GPM6A: variants seen among roughly 807,000 people sequenced by gnomAD.
GPM6A encodes the protein glycoprotein M6A, also known as neuronal membrane glycoprotein M6-a.
GPM6A carries 7 observed loss-of-function variants against 32.1 expected under a neutral mutation model. The observed-to-expected ratio is 0.22, with a 90% CI of 0.12 to 0.41. The LOEUF (loss-of-function observed/expected upper bound fraction) is 0.41. Among genes scored for constraint, GPM6A ranks in the 10% least tolerant of loss-of-function variants. The pLI, the probability that GPM6A is intolerant of heterozygous loss-of-function variation, is 1.00. For missense variants in GPM6A, 235 were observed against 347.2 expected, an observed-to-expected ratio of 0.68 and a Z score of 2.57; for synonymous variants, 130 against 123.4, an observed-to-expected ratio of 1.05 and a Z score of -0.35.
chr4:175,776,979 C>A (rs1279840543), intron 1 of GPM6A, among the ~76,000 whole-genome samples: 1 of 152,076 alleles, frequency 6.6e-6, no homozygotes, highest in Non-Finnish European at 1.5e-5. Flanking sequence ...AGCAAAGAAA[C>A]AAACATTTTA....
chr4:175,812,304 T>TTTTG, upstream of GPM6A: 3 of 980,788 alleles, frequency 3.1e-6, no homozygotes, highest in Non-Finnish European at 2.5e-6. Flanking sequence ...ACTGGGGGTT[T>TTTTG]TTTTTTTTTT....
intron 1 of GPM6A, among the ~76,000 whole-genome samples, chr4:175,950,101 G>T (rs570358924): frequency 3.9e-5 from 6 of 152,072 alleles, no homozygotes; most frequent in African/African-American, 1.4e-4. Flanking sequence ...AATTCATTTT[G>T]CAATGAATAT....
At chr4:175,882,230 T>A (rs1468987184) in intron 1 of GPM6A, among the ~76,000 whole-genome samples, 1 of 151,994 alleles carries the variant, frequency 6.6e-6, no homozygotes, top group Non-Finnish European at 1.5e-5. Context: ...CAATTACTAT[T>A]TTTAGTCACA....
At chr4:175,701,117 T>C (rs1405613157) in intron 2 of GPM6A, among the ~76,000 whole-genome samples, 1 of 152,222 alleles carries the variant, frequency 6.6e-6, no homozygotes, top group Non-Finnish European at 1.5e-5. Flanking sequence ...TTACATCATT[T>C]CTGTAAATGT....
At chr4:175,951,271 C>T (rs1290030160) in intron 1 of GPM6A, among the ~76,000 whole-genome samples, 6 of 152,132 alleles carry the variant, frequency 3.9e-5, no homozygotes, top group Admixed American at 3.9e-4. Context: ...TGTGAAAATA[C>T]TACTTTTAGT....
At chr4:175,928,218 G>A (rs1035593976) in intron 1 of GPM6A, among the ~76,000 whole-genome samples, 1 of 152,110 alleles carries the variant, frequency 6.6e-6, no homozygotes, top group African/African-American at 2.4e-5. Flanking sequence ...TTGCAAAAAT[G>A]TTTACAGAAT....
chr4:175,653,334 C>G (rs1309312219), intron 3 of GPM6A, among the ~76,000 whole-genome samples: 1 of 152,084 alleles, frequency 6.6e-6, no homozygotes, highest in Non-Finnish European at 1.5e-5. Flanking sequence ...CCCAGTACTT[C>G]AGAACCCCAG....
intron 1 of GPM6A, among the ~76,000 whole-genome samples, chr4:175,888,268 G>A (rs1293899013): frequency 6.6e-6 from 1 of 151,970 alleles, no homozygotes; most frequent in Non-Finnish European, 1.5e-5. Context: ...ACGCTTTTAT[G>A]AAGAATAAAG....
At chr4:175,728,246 C>A (rs1274512127) in intron 1 of GPM6A, among the ~76,000 whole-genome samples, 1 of 151,826 alleles carries the variant, frequency 6.6e-6, no homozygotes. Context: ...CTGAAAGAAT[C>A]AAAGAGAAAC....
intron 1 of GPM6A, among the ~76,000 whole-genome samples, chr4:175,869,717 A>G (rs1424140879): frequency 3.3e-5 from 5 of 152,244 alleles, no homozygotes; most frequent in African/African-American, 1.2e-4. Context: ...AGATCATGCC[A>G]CTGCACTCCA....
At chr4:175,901,987 C>T (rs933988626) in intron 1 of GPM6A, among the ~76,000 whole-genome samples, 1 of 152,090 alleles carries the variant, frequency 6.6e-6, no homozygotes, top group Non-Finnish European at 1.5e-5. Flanking sequence ...AATAACTCCA[C>T]TTTTAGATTT....
At chr4:175,942,898 T>C (rs1345849802) in intron 1 of GPM6A, among the ~76,000 whole-genome samples, 1 of 152,168 alleles carries the variant, frequency 6.6e-6, no homozygotes, top group Non-Finnish European at 1.5e-5. Context: ...AAAGTAGTTT[T>C]TTTTTCTAAT....
intron 1 of GPM6A, among the ~76,000 whole-genome samples, chr4:175,738,853 C>A (rs769216797): frequency 1.3e-5 from 2 of 152,142 alleles, no homozygotes; most frequent in Non-Finnish European, 2.9e-5. Context: ...ACCCTCCCTA[C>A]ACACCATCTG....
chr4:175,962,785 G>T (rs1205004664), intron 1 of GPM6A, among the ~76,000 whole-genome samples: 2 of 152,170 alleles, frequency 1.3e-5, no homozygotes, highest in Non-Finnish European at 2.9e-5. Flanking sequence ...AACAAAAATT[G>T]AAAGGCATAC....
intron 2 of GPM6A, among the ~76,000 whole-genome samples, chr4:175,675,126 AAC>A (rs1454968639): frequency 6.6e-6 from 1 of 151,968 alleles, no homozygotes; most frequent in Non-Finnish European, 1.5e-5. Context: ...ATGTTTTGAA[AAC>A]ATTCATTCCA....
At chr4:175,858,605 C>G (rs2111415525) in intron 1 of GPM6A, among the ~76,000 whole-genome samples, 1 of 150,624 alleles carries the variant, frequency 6.6e-6, no homozygotes, top group Non-Finnish European at 1.5e-5. Context: ...GGAAGTGGAA[C>G]TTTCAAACAC....
chr4:175,820,787 C>T (rs1388524378), intron 1 of GPM6A, among the ~76,000 whole-genome samples: 1 of 152,164 alleles, frequency 6.6e-6, no homozygotes, highest in Non-Finnish European at 1.5e-5. Flanking sequence ...GCATGAGCCA[C>T]CACACCCGGC....
chr4:175,834,228 C>A (rs1434930456), intron 1 of GPM6A, among the ~76,000 whole-genome samples: 1 of 152,130 alleles, frequency 6.6e-6, no homozygotes, highest in Non-Finnish European at 1.5e-5. Flanking sequence ...TATAGAATGT[C>A]CCTACGCCTC....
At chr4:175,635,122 C>A in intron 6 of GPM6A, 65 bp from the exon 7 acceptor site, 1 of 1,248,406 alleles carries the variant, frequency 8.0e-7, no homozygotes, top group South Asian at 1.3e-5. Context: ...ACCTTGCTAT[C>A]TCGAAAGAAG....
Sources: allele counts gnomAD v4.1 joint callset (sites outside exome capture counted in the v4.1 genomes callset), GRCh38; gene constraint gnomAD v4.1.1; transcripts MANE v1.5; gene names NCBI Gene and HGNC (gene_info 2026-07-23, HGNC 2026-07-21).